Variants in OR2C1 observed in about 807,000 individuals in gnomAD.
The protein encoded by OR2C1 is olfactory receptor family 2 subfamily C member 1.
For missense variants in OR2C1, 468 were observed against 388.3 expected (o/e 1.21, Z -1.73); for synonymous variants, 209 against 167.3 (o/e 1.25, Z -1.92).
At chr16:3,333,875 T>C in the OR2C1 span, among the ~76,000 whole-genome samples, 1 of 152,076 alleles carries the variant, frequency 6.6e-6, no homozygotes, top group Non-Finnish European at 1.5e-5. Context: ...TTTTTGTATA[T>C]GGTGAGAGAC....
chr16:3,343,818 T>A, the OR2C1 span, among the ~76,000 whole-genome samples: 1 of 152,190 alleles, frequency 6.6e-6, no homozygotes, highest in Non-Finnish European at 1.5e-5. Flanking sequence ...AAATAGATTA[T>A]ATCAATATTA....
chr16:3,357,719 C>T (rs988381391), downstream of OR2C1, among the ~76,000 whole-genome samples: 1 of 152,110 alleles, frequency 6.6e-6, no homozygotes, highest in African/African-American at 2.4e-5. Flanking sequence ...CAGTGGCTCA[C>T]ACCTGTAATC....
the OR2C1 span, among the ~76,000 whole-genome samples, chr16:3,329,530 A>C: frequency 6.6e-6 from 1 of 151,800 alleles, no homozygotes; most frequent in Non-Finnish European, 1.5e-5. Context: ...GCTCACTGCA[A>C]GCTCCGCTTC....
At chr16:3,332,793 G>A in the OR2C1 span, among the ~76,000 whole-genome samples, 4 of 151,726 alleles carry the variant, frequency 2.6e-5, no homozygotes, top group South Asian at 8.4e-4. Context: ...GGACGCTTAG[G>A]TCGGTTTCAC....
chr16:3,356,649 G>A lies in OR2C1; in HGVS notation c.709G>A (p.Ala237Thr). ...CCGCTCTGCAGAGGGGAGGCGAAAG[G>A]CGTTCAATACGTGCCTCTCCCATCT... ...KIRSAEGRRKAFNTCLSHLLV... is the reference protein window; with the variant it reads ...KIRSAEGRRKTFNTCLSHLLV... The change falls in exon 1 of 1, where the codon GCG becomes ACG. Residue 237 changes from alanine to threonine, a missense_variant. Transcript: ENST00000304936. 6.2e-7 allele frequency: 1 copy of A among 1,613,974 alleles called. No individual in the cohort carries two copies. The highest frequency in any genetic ancestry group is 2.2e-5 in the East Asian group (1 of 44,886).
At chr16:3,329,243 G>T in the OR2C1 span, among the ~76,000 whole-genome samples, 2 of 143,732 alleles carry the variant, frequency 1.4e-5, no homozygotes, top group Non-Finnish European at 3.0e-5. Context: ...AAGAAGAAAT[G>T]GAAACATTCT....
the OR2C1 span, among the ~76,000 whole-genome samples, chr16:3,343,341 C>A: frequency 1.3e-5 from 2 of 152,152 alleles, no homozygotes; most frequent in African/African-American, 4.8e-5. Flanking sequence ...CTCAAGCGAT[C>A]CTTTTGCCTC....
chr16:3,342,186 A>G, the OR2C1 span, among the ~76,000 whole-genome samples: 68 of 152,096 alleles, frequency 4.5e-4, no homozygotes, highest in African/African-American at 1.6e-3. Context: ...AGGGGGCAGA[A>G]GTTGCTGTGA....
rs944546962 is a variant in OR2C1 at position 3,357,058 on chromosome 16, T to C, written c.*179T>C. 5 of 597,974 alleles carry C rather than the reference T, an allele frequency of 8.4e-6. No individual in the cohort carries two copies. The Admixed American group carries it at 1.7e-4, about 20-fold the overall frequency. The allele number at this position is 597,974 out of a possible 1,614,324, so 37.0% of individuals were successfully genotyped here. On this transcript the variant is annotated 3_prime_UTR_variant, in exon 1 of 1. Coordinates refer to ENST00000304936, the MANE Select transcript of OR2C1 (RefSeq NM_012368.3). ...ATGGTTAGTGTTATTCGTAATGTTCTACACTTATTTACCAAAAATCCTACT... is the reference window on the plus strand; with the variant it reads ...ATGGTTAGTGTTATTCGTAATGTTCCACACTTATTTACCAAAAATCCTACT...
chr16:3,356,656 A>G lies in OR2C1; in HGVS notation c.716A>G (p.Asn239Ser). ...GCAGAGGGGAGGCGAAAGGCGTTCA[A>G]TACGTGCCTCTCCCATCTGCTGGTG... ...RSAEGRRKAF[N>S]TCLSHLLVVF... is the part of the protein sequence containing the mutation. Residue 239 changes from asparagine to serine, a missense_variant, in exon 1 of 1, where the codon AAT becomes AGT. By Grantham distance (46) the Asn-to-Ser change is conservative. Coordinates refer to ENST00000304936, the MANE Select transcript of OR2C1 (RefSeq NM_012368.3). 1.2e-6 allele frequency: 2 copies of G among 1,614,134 alleles called. No homozygotes were observed. The highest frequency in any genetic ancestry group is 1.3e-5 in the African/African-American group (1 of 75,020).
At position 3,356,499 on chromosome 16, in the gene OR2C1, C is replaced by G. The variant is rs1166444446; in HGVS notation, c.559C>G (p.Leu187Val). The G allele has an allele frequency of 6.2e-7, 1 of 1,614,146 alleles. No homozygotes were observed. The highest frequency in any genetic ancestry group is 8.5e-7 in the Non-Finnish European group (1 of 1,180,042). Residue 187 changes from leucine to valine, a missense_variant, in exon 1 of 1, where the codon CTG becomes GTG. Transcript: ENST00000304936. ...FLCEVPAMIK[L>V]ACGDTSLNQA... The stretch of plus-strand genomic sequence containing the variant: ...CTGCGAGGTGCCTGCCATGATCAAA[C>G]TGGCCTGTGGCGACACAAGTCTCAA...
chr16:3,334,786 C>G, the OR2C1 span, among the ~76,000 whole-genome samples: 9 of 150,892 alleles, frequency 6.0e-5, no homozygotes, highest in African/African-American at 2.2e-4. Context: ...TTGTAGTATA[C>G]TTTGAAGAAA....
the OR2C1 span, among the ~76,000 whole-genome samples, chr16:3,336,708 C>CTTTT: frequency 4.7e-3 from 436 of 93,732 alleles, 22 homozygotes; most frequent in South Asian, 0.024. Flanking sequence ...TTCTTTCTTT[C>CTTTT]TTTCTTTTTT....
At chr16:3,342,840 C>CA in the OR2C1 span, among the ~76,000 whole-genome samples, 1 of 152,088 alleles carries the variant, frequency 6.6e-6, no homozygotes, top group Admixed American at 6.6e-5. Flanking sequence ...TCGCTGCACT[C>CA]TAGACTGGGC....
the OR2C1 span, among the ~76,000 whole-genome samples, chr16:3,337,476 T>C: frequency 6.6e-6 from 1 of 151,938 alleles, no homozygotes. Context: ...TCCCTGACTG[T>C]GTATTTTAAA....
the OR2C1 span, among the ~76,000 whole-genome samples, chr16:3,338,758 G>A: frequency 1.3e-5 from 2 of 151,914 alleles, no homozygotes; most frequent in Non-Finnish European, 2.9e-5. Flanking sequence ...GGATGGTCTC[G>A]ATCTCCTGAC....
At position 3,356,817 on chromosome 16, in the gene OR2C1, C is replaced by T. The variant is rs148753562; in HGVS notation, c.877C>T (p.Arg293Trp). The change falls in exon 1 of 1, where the codon CGG becomes TGG. Residue 293 changes from arginine to tryptophan, a missense_variant. Physicochemically the swap from Arg to Trp is moderately radical, Grantham distance 101. Transcript: ENST00000304936. ...GGTGAATCCCCTCATCTACACGCTGCGGAACATGGAAGTGAAGGGCGCACT... is the reference window on the plus strand; with the variant it reads ...GGTGAATCCCCTCATCTACACGCTGTGGAACATGGAAGTGAAGGGCGCACT... ...PMVNPLIYTL[R>W]NMEVKGALRR... 3.4e-5 allele frequency: 55 copies of T among 1,613,508 alleles called. No individual in the cohort carries two copies. Among genetic ancestry groups the T allele is most frequent in the African/African-American group, 1.5e-4 (11 of 74,898 alleles).
chr16:3,334,066 G>C, the OR2C1 span, among the ~76,000 whole-genome samples: 2 of 151,892 alleles, frequency 1.3e-5, no homozygotes, highest in South Asian at 4.2e-4. Context: ...TTCTCCTCCT[G>C]GACTTGGGTT....
chr16:3,336,319 T>G, the OR2C1 span, among the ~76,000 whole-genome samples: 1 of 152,206 alleles, frequency 6.6e-6, no homozygotes, highest in Non-Finnish European at 1.5e-5. Flanking sequence ...TTTGAGAATT[T>G]TTATGTTCAT....
Sources: allele counts gnomAD v4.1 joint callset (sites outside exome capture counted in the v4.1 genomes callset), GRCh38; gene constraint gnomAD v4.1.1; transcripts MANE v1.5; gene names NCBI Gene and HGNC (gene_info 2026-07-23, HGNC 2026-07-21).